Variants in NAV2 observed in about 807,000 individuals in gnomAD.
The protein encoded by NAV2 is helicase, APC down-regulated 1.
NAV2 carries 54 observed loss-of-function variants against 223.2 expected under a neutral mutation model. The observed-to-expected ratio is 0.24, with a 90% CI of 0.19 to 0.30. The LOEUF is 0.30. NAV2 is among the 10% of genes least tolerant of loss of function. The probability of loss-of-function intolerance (pLI) is 1.00; values close to 1 mark genes in which losing one functional copy is unlikely to be tolerated. For missense variants in NAV2, 2,806 were observed against 3,147.5 expected (o/e 0.89, Z 2.60); for synonymous variants, 1,279 against 1,239.3 (o/e 1.03, Z -0.67).
At chr11:19,846,076 G>T (rs921077257) in intron 3 of NAV2, among the ~76,000 whole-genome samples, 1 of 152,148 alleles carries the variant, frequency 6.6e-6, no homozygotes, top group African/African-American at 2.4e-5. Flanking sequence ...GGGCAAGGAA[G>T]GTTCCTAAAT....
chr11:19,454,501 G>A (rs1851894135), intron 1 of NAV2, among the ~76,000 whole-genome samples: 2 of 152,168 alleles, frequency 1.3e-5, no homozygotes, highest in East Asian at 1.9e-4. Flanking sequence ...GGCTTTAGAC[G>A]AAGTGTCCTG....
At chr11:19,833,127 G>A (rs564573554) in intron 2 of NAV2, among the ~76,000 whole-genome samples, 1 of 152,366 alleles carries the variant, frequency 6.6e-6, no homozygotes, top group African/African-American at 2.4e-5. Flanking sequence ...ACCATGTGCT[G>A]GGAGGAGAGA....
At chr11:19,919,550 G>A (rs1471237152) in intron 6 of NAV2, among the ~76,000 whole-genome samples, 2 of 152,172 alleles carry the variant, frequency 1.3e-5, no homozygotes, top group African/African-American at 4.8e-5. Context: ...CTTGGGCAGG[G>A]CCGTGGGAGC....
intron 31 of NAV2, among the ~76,000 whole-genome samples, chr11:20,098,236 C>G (rs2061410686): frequency 6.6e-6 from 1 of 152,074 alleles, no homozygotes; most frequent in Admixed American, 6.5e-5. Context: ...CAGTGGATTC[C>G]TTAGAACTCC....
chr11:19,962,797 A>G (rs2048444551), intron 10 of NAV2, among the ~76,000 whole-genome samples: 1 of 152,162 alleles, frequency 6.6e-6, no homozygotes, highest in African/African-American at 2.4e-5. Flanking sequence ...AGAGGCCCCA[A>G]GTTTGTCTCC....
intron 1 of NAV2, among the ~76,000 whole-genome samples, chr11:19,697,891 G>A (rs2049395789): frequency 6.6e-6 from 1 of 152,152 alleles, no homozygotes; most frequent in Non-Finnish European, 1.5e-5. Context: ...CTGAACTCTT[G>A]CTTTGACACG....
chr11:19,387,365 C>T (rs754466195), intron 1 of NAV2, among the ~76,000 whole-genome samples: 7 of 151,948 alleles, frequency 4.6e-5, no homozygotes, highest in South Asian at 2.1e-4. Flanking sequence ...AATGGCATTC[C>T]GAGAAAGGGC....
rs2043310041 is a variant in NAV2 at position 19,911,465 on chromosome 11, A to G, written c.931+18871A>G. 3.3e-5 allele frequency among the ~76,000 whole-genome samples: 5 copies of G among 152,318 alleles called. No homozygotes were observed. In the South Asian group the frequency reaches 1.0e-3, roughly 32 times the overall value. On this transcript the variant is annotated intron_variant, in intron 6 of 37. Transcript: ENST00000349880. ...TGTAGGTGTCTGAATGAAGTAGGCA[A>G]AATGACTCTCTCAATTCTACCCAGC...
chr11:19,473,864 CGGA>C (rs1435805535), intron 1 of NAV2, among the ~76,000 whole-genome samples: 2 of 152,190 alleles, frequency 1.3e-5, no homozygotes, highest in East Asian at 3.8e-4. Context: ...TCAAGCTTCC[CGGA>C]GGAGACCATT....
chr11:20,060,327 G>A (rs1470077907), intron 19 of NAV2, among the ~76,000 whole-genome samples: 1 of 152,222 alleles, frequency 6.6e-6, no homozygotes, highest in Non-Finnish European at 1.5e-5. Flanking sequence ...CTCCACTATT[G>A]TCTGTGTCGT....
At chr11:19,992,874 T>C (rs2051479082) in intron 11 of NAV2, among the ~76,000 whole-genome samples, 1 of 152,206 alleles carries the variant, frequency 6.6e-6, no homozygotes, top group Non-Finnish European at 1.5e-5. Context: ...ATTACAGACA[T>C]GAGCCACTGC....
chr11:19,740,425 C>T (rs532385489), intron 1 of NAV2, among the ~76,000 whole-genome samples: 49 of 152,278 alleles, frequency 3.2e-4, no homozygotes, highest in African/African-American at 1.1e-3. Context: ...CAAACACTGC[C>T]GAAGGCCACA....
At chr11:20,066,043 A>G (rs2059024402) in intron 20 of NAV2, among the ~76,000 whole-genome samples, 1 of 152,232 alleles carries the variant, frequency 6.6e-6, no homozygotes, top group Non-Finnish European at 1.5e-5. Context: ...GTTTCCTCAT[A>G]CACAAAACAG....
intron 1 of NAV2, among the ~76,000 whole-genome samples, chr11:19,767,110 C>A (rs1392134060): frequency 1.3e-5 from 2 of 152,182 alleles, no homozygotes; most frequent in African/African-American, 4.8e-5. Context: ...GCCCAGGAAC[C>A]AGGTCAGGGA....
At chr11:19,877,996 T>C (rs1344969699) in intron 4 of NAV2, among the ~76,000 whole-genome samples, 1 of 152,062 alleles carries the variant, frequency 6.6e-6, no homozygotes, top group African/African-American at 2.4e-5. Context: ...GTTTCCTTAG[T>C]GTGGGGAAGG....
chr11:19,538,958 A>G (rs1223357433), intron 1 of NAV2, among the ~76,000 whole-genome samples: 4 of 152,158 alleles, frequency 2.6e-5, no homozygotes, highest in Non-Finnish European at 4.4e-5. Flanking sequence ...GTCTTGTTCA[A>G]TACAATATTT....
At chr11:19,541,835 A>T (rs923656836) in intron 1 of NAV2, among the ~76,000 whole-genome samples, 2 of 152,220 alleles carry the variant, frequency 1.3e-5, no homozygotes, top group African/African-American at 4.8e-5. Context: ...TCCTGGCTCC[A>T]TATGGCAATG....
At chr11:20,089,093 T>G (rs1195872875) in intron 26 of NAV2, among the ~76,000 whole-genome samples, 1 of 152,194 alleles carries the variant, frequency 6.6e-6, no homozygotes, top group Non-Finnish European at 1.5e-5. Flanking sequence ...AGAAAGGATG[T>G]TGCAAATTCT....
intron 1 of NAV2, among the ~76,000 whole-genome samples, chr11:19,597,997 G>A (rs1330358116): frequency 1.3e-5 from 2 of 152,256 alleles, no homozygotes; most frequent in Non-Finnish European, 2.9e-5. Flanking sequence ...AGACCACGGG[G>A]CAGCTGGCCT....
Sources: gnomAD v4.1 joint callset for allele counts (sites outside exome capture counted in the v4.1 genomes callset) on GRCh38, gnomAD v4.1.1 for gene constraint, MANE v1.5 for transcripts, NCBI Gene and HGNC (gene_info 2026-07-23, HGNC 2026-07-21) for gene names.